The following CDC40 variants were observed in gnomAD, a reference collection of about 807,000 sequenced individuals.
CDC40 encodes the protein pre-mRNA-processing factor 17.
A neutral mutation model predicts 80.6 loss-of-function variants in CDC40; 27 were observed. That is an observed-to-expected ratio of 0.33 (90% CI 0.25 to 0.46). The LOEUF is 0.46. Ranked by LOEUF, CDC40 falls within the 20% of genes least tolerant of loss-of-function variation. CDC40 has a pLI of 1.00. For synonymous variants in CDC40, 221 were observed against 232.6 expected (o/e 0.95, Z 0.45); for missense variants, 486 against 694.1 (o/e 0.70, Z 3.37).
At chr6:110,183,148 C>T (rs2114645303) in intron 1 of CDC40, among the ~76,000 whole-genome samples, 1 of 152,300 alleles carries the variant, frequency 6.6e-6, no homozygotes, top group Non-Finnish European at 1.5e-5. Flanking sequence ...GTATATGTTT[C>T]CTCCTATTTT....
chr6:110,211,331 C>T (rs1477164012), intron 6 of CDC40: 1 of 152,038 alleles, frequency 6.6e-6, no homozygotes, highest in African/African-American at 2.4e-5. Context: ...TAGAATGTAC[C>T]TGTTAATAAT....
intron 1 of CDC40, among the ~76,000 whole-genome samples, chr6:110,187,232 G>T (rs1777285096): frequency 6.6e-6 from 1 of 152,192 alleles, no homozygotes; most frequent in Non-Finnish European, 1.5e-5. Context: ...TTGCACTTTA[G>T]AAATCATGCA....
intron 9 of CDC40, among the ~76,000 whole-genome samples, chr6:110,215,843 G>C (rs1777693345): frequency 6.6e-6 from 1 of 152,184 alleles, no homozygotes; most frequent in Non-Finnish European, 1.5e-5. Flanking sequence ...GTTTAGAGAT[G>C]ATGAGCGCCT....
chr6:110,187,901 G>C (rs1584060517), intron 1 of CDC40, among the ~76,000 whole-genome samples: 1 of 152,180 alleles, frequency 6.6e-6, no homozygotes, highest in East Asian at 1.9e-4. Flanking sequence ...AATTCCAATT[G>C]CATACCTAAT....
At chr6:110,183,621 C>T (rs1374496693) in intron 1 of CDC40, among the ~76,000 whole-genome samples, 1 of 152,114 alleles carries the variant, frequency 6.6e-6, no homozygotes, top group Non-Finnish European at 1.5e-5. Context: ...CAAACTTACA[C>T]ATAGTAAATA....
chr6:110,210,377 C>G (rs939336775), intron 5 of CDC40, among the ~76,000 whole-genome samples: 15 of 150,202 alleles, frequency 1.0e-4, no homozygotes, highest in Admixed American at 2.7e-4. Flanking sequence ...CAGTAAAACC[C>G]TGTCTCTACT....
chr6:110,209,357 A>G (rs11752726), intron 5 of CDC40, 134 bp downstream of exon 5: 35,468 of 605,966 alleles, frequency 0.059, 1,686 homozygotes, highest in African/African-American at 0.19. Flanking sequence ...TAGTTGATTG[A>G]AAATATACAA....
In CDC40 at chr6:110,228,846, T is replaced by G; in HGVS notation, c.1432T>G (p.Cys478Gly). The change falls in exon 14 of 15, where the codon TGC (cysteine) becomes GGC (glycine). Residue 478 changes from cysteine to glycine, a missense_variant. By Grantham distance (159) the Cys-to-Gly change is radical. Transcript: ENST00000307731. Reference sequence around the variant, plus strand: ...TGAATTTACAGGAAAATGGCTAGCATGCCAATCAATGGACAACCAAATCTT... The same window carrying G: ...TGAATTTACAGGAAAATGGCTAGCAGGCCAATCAATGGACAACCAAATCTT... Reference protein sequence around the residue: ...TLSPNGKWLACQSMDNQILIF... With the variant: ...TLSPNGKWLAGQSMDNQILIF... 1 of 1,586,420 alleles carries G rather than the reference T, an allele frequency of 6.3e-7. No homozygotes were observed. The highest frequency in any genetic ancestry group is 1.9e-5 in the Admixed American group (1 of 52,334).
intron 12 of CDC40, chr6:110,224,543 C>G (rs938786249): frequency 6.6e-6 from 1 of 152,048 alleles, no homozygotes; most frequent in Non-Finnish European, 1.5e-5. Flanking sequence ...CATGTGCCAC[C>G]ACACCCGGCT....
chr6:110,204,998 GT>G (rs1179732963), intron 3 of CDC40, among the ~76,000 whole-genome samples: 1 of 151,836 alleles, frequency 6.6e-6, no homozygotes, highest in Non-Finnish European at 1.5e-5. Flanking sequence ...CCATATGATT[GT>G]TTTTCCTTTG....
chr6:110,199,138 T>C (rs1450788782), intron 2 of CDC40: 1 of 152,186 alleles, frequency 6.6e-6, no homozygotes, highest in Non-Finnish European at 1.5e-5. Flanking sequence ...GTGTGAGACA[T>C]AGGCATATGT....
chr6:110,201,480 A>G (rs1777491966), intron 2 of CDC40, 78 bp from the exon 3 acceptor site: 2 of 1,079,248 alleles, frequency 1.9e-6, no homozygotes, highest in African/African-American at 3.2e-5. Flanking sequence ...CAGTTATTCC[A>G]GTAATTCTAA....
Position 110,213,149 on chromosome 6 carries a change from T to G in CDC40, c.931T>G (p.Cys311Gly), listed in dbSNP as rs1267650820. Residue 311 changes from cysteine (C) to glycine (G), a missense_variant, in exon 8 of 15, where the codon TGT becomes GGT. Cys to Gly is a radical substitution (Grantham distance 159). This residue lies in a region of CDC40 where 381 missense variants were observed against 492.1 expected (regional missense o/e 0.77). Transcript: ENST00000307731. ...TTTATTGCTGTCTTGTTCCATGGAC[T>G]GTAAAATTAAGGTGAGTTTTCAGTA... ...GHLLLSCSMD[C>G]KIKLWEVYGE... 6.2e-7 allele frequency: 1 copy of G among 1,604,584 alleles called. No individual in the cohort carries two copies. The highest frequency in any genetic ancestry group is 1.1e-5 in the South Asian group (1 of 90,906).
At chr6:110,226,343 T>C in intron 13 of CDC40, 100 bp downstream of exon 13, 1 of 668,274 alleles carries the variant, frequency 1.5e-6, no homozygotes, top group Non-Finnish European at 2.6e-6. Flanking sequence ...TGGGGAAGTT[T>C]GTCACTGTGC....
intron 7 of CDC40, 76 bp downstream of exon 7, chr6:110,212,348 G>T: frequency 1.4e-6 from 2 of 1,420,318 alleles, no homozygotes; most frequent in South Asian, 1.2e-5. Flanking sequence ...CTGTTGATGT[G>T]GAACATTTAG....
chr6:110,206,858 T>C (rs1302018325), intron 3 of CDC40, among the ~76,000 whole-genome samples: 1 of 152,196 alleles, frequency 6.6e-6, no homozygotes, highest in Admixed American at 6.5e-5. Flanking sequence ...ATTTTCAAGC[T>C]CTTAGAATAT....
intron 14 of CDC40, 113 bp from the exon 15 acceptor site, chr6:110,229,841 G>T: frequency 1.5e-6 from 1 of 646,966 alleles, no homozygotes; most frequent in Non-Finnish European, 2.7e-6. Context: ...TTGTATATTT[G>T]CATTGGATTT....
chr6:110,185,477 C>T (rs1372949623), intron 1 of CDC40, among the ~76,000 whole-genome samples: 1 of 151,872 alleles, frequency 6.6e-6, no homozygotes, highest in East Asian at 1.9e-4. Flanking sequence ...CTCCTGACCT[C>T]GTGATCCGCC....
chr6:110,218,027 G>A (rs1259983688), intron 10 of CDC40, among the ~76,000 whole-genome samples: 2 of 152,162 alleles, frequency 1.3e-5, no homozygotes, highest in Non-Finnish European at 1.5e-5. Context: ...TAAAGCAAAC[G>A]TACTGACAAA....
Sources: gnomAD v4.1 joint callset for allele counts (sites outside exome capture counted in the v4.1 genomes callset) on GRCh38, gnomAD v4.1.1 for gene constraint, gnomAD v4.1.1 regional missense constraint, MANE v1.5 for transcripts, NCBI Gene and HGNC (gene_info 2026-07-23, HGNC 2026-07-21) for gene names.